The following SLC34A2 variants were observed in gnomAD, a reference collection of about 807,000 sequenced individuals.
The protein encoded by SLC34A2 is solute carrier family 34 member 2, also known as sodium-dependent phosphate transport protein 2B.
Under a neutral mutation model 50.8 loss-of-function variants are expected in SLC34A2, and 41 were observed. That is an observed-to-expected ratio of 0.81 (90% CI 0.63 to 1.05). The LOEUF (loss-of-function observed/expected upper bound fraction) is 1.05, where lower values mean the gene tolerates loss of function less well. Among genes scored for constraint, SLC34A2 ranks in the 50% least tolerant of loss-of-function variants. The pLI, the probability that SLC34A2 is intolerant of heterozygous loss-of-function variation, is 0.00. For missense variants in SLC34A2, 879 were observed against 876.7 expected, an observed-to-expected ratio of 1.00 and a Z score of -0.03; for synonymous variants, 401 against 364.2, an observed-to-expected ratio of 1.10 and a Z score of -1.15.
chr4:25,660,127 C>T (rs61057041), intron 1 of SLC34A2, among the ~76,000 whole-genome samples: 3,643 of 152,284 alleles, frequency 0.024, 154 homozygotes, highest in African/African-American at 0.081. Flanking sequence ...TTTTGGTCTA[C>T]ATCACATTCA....
At chr4:25,660,840 C>T (rs1018985990) in intron 1 of SLC34A2, among the ~76,000 whole-genome samples, 1 of 152,154 alleles carries the variant, frequency 6.6e-6, no homozygotes, top group African/African-American at 2.4e-5. Context: ...CCACTGTGCC[C>T]GGCCTGGATT....
rs2109056455 is a variant in SLC34A2 at position 25,669,758 on chromosome 4, G to A, written c.747G>A (p.Val249=). 6.2e-7 allele frequency: 1 copy of A among 1,614,162 alleles called. No homozygotes were observed. The highest frequency in any genetic ancestry group is 1.1e-5 in the South Asian group (1 of 91,080). ...TCGAGATCATAACCCAGCTTATAGT[G>A]GAGAGCTTCCACTTCAAGAATGGAG... ...HYLEIITQLI[V]ESFHFKNGED... The change falls in exon 7 of 13, where the codon GTG becomes GTA. Residue 249 remains valine (V), a synonymous_variant. Transcript: ENST00000382051.
In SLC34A2 at chr4:25,664,097, A is replaced by G. The variant is rs1052742819; in HGVS notation, c.251-105A>G. The stretch of plus-strand genomic sequence containing the variant: ...TTAACGGCTGCCAGGCTGGGAAGGG[A>G]GGGGAGGTCGGGGGAGCTCTGAGCT... On this transcript the variant is annotated intron_variant, in intron 3 of 12. Transcript: ENST00000382051. 4.6e-6 allele frequency: 5 copies of G among 1,087,364 alleles called. No individual in the cohort carries two copies. The Admixed American group carries it at 5.1e-5, about 11-fold the overall frequency. The allele number at this position is 1,087,364 out of a possible 1,614,324, so 67.4% of individuals were successfully genotyped here.
intron 7 of SLC34A2, 36 bp downstream of exon 7, chr4:25,669,878 C>T (rs1319378714): frequency 6.4e-7 from 1 of 1,553,834 alleles, no homozygotes; most frequent in Non-Finnish European, 8.9e-7. Flanking sequence ...AGGAGACTAA[C>T]TTCCTACCCA....
intron 6 of SLC34A2, among the ~76,000 whole-genome samples, chr4:25,669,195 C>T (rs1415613032): frequency 1.3e-5 from 2 of 152,084 alleles, no homozygotes; most frequent in African/African-American, 2.4e-5. Context: ...TTGTTACATT[C>T]ATAGAATGTG....
chr4:25,663,940 C>T (rs1560235670), intron 3 of SLC34A2, among the ~76,000 whole-genome samples: 1 of 152,188 alleles, frequency 6.6e-6, no homozygotes, highest in South Asian at 2.1e-4. Context: ...CACATTGAAC[C>T]CCTCCTCCCA....
chr4:25,666,901 T>C (rs1714532497), intron 5 of SLC34A2: 1 of 152,128 alleles, frequency 6.6e-6, no homozygotes. Context: ...ATTATTATTT[T>C]TTTTTCTATT....
At chr4:25,672,595 C>A (rs1228271763) in intron 9 of SLC34A2, among the ~76,000 whole-genome samples, 2 of 152,140 alleles carry the variant, frequency 1.3e-5, no homozygotes, top group African/African-American at 4.8e-5. Flanking sequence ...GGTATGATTA[C>A]CCCAAAGAAT....
chr4:25,660,732 A>G (rs1714135781), intron 1 of SLC34A2, among the ~76,000 whole-genome samples: 3 of 152,106 alleles, frequency 2.0e-5, no homozygotes. Context: ...TTTAGTAGAG[A>G]CGGGGTTTCA....
intron 9 of SLC34A2, among the ~76,000 whole-genome samples, chr4:25,672,309 A>G (rs1714860847): frequency 6.6e-6 from 1 of 152,216 alleles, no homozygotes; most frequent in Non-Finnish European, 1.5e-5. Flanking sequence ...CGACAACCCG[A>G]TTTGAAGGAA....
rs141191689 is a variant in SLC34A2, at chr4:25,676,560, G to T, written c.1884G>T (p.Ala628=). The T allele has an allele frequency of 6.8e-6, 11 of 1,612,492 alleles. No individual in the cohort carries two copies. The East Asian group carries it at 1.1e-4, about 16-fold the overall frequency. The change falls in exon 13 of 13, where the codon GCG becomes GCT. Residue 628 remains alanine (A), a synonymous_variant. Transcript: ENST00000382051. The stretch of plus-strand genomic sequence containing the variant: ...GCTGCTGCCGCGTGTGCTGCCGCGC[G>T]TGCTGCTTGCTGTGTGACTGCCCCA... ...CCCCCRVCCR[A]CCLLCDCPKC...
At chr4:25,661,424 A>G (rs1252706057) in intron 1 of SLC34A2, among the ~76,000 whole-genome samples, 1 of 152,156 alleles carries the variant, frequency 6.6e-6, no homozygotes, top group Admixed American at 6.5e-5. Context: ...TTTGCTCTGT[A>G]TCCCCCAGGC....
chr4:25,671,519 C>T, intron 8 of SLC34A2, 82 bp from the exon 9 acceptor site: 1 of 1,577,788 alleles, frequency 6.3e-7, no homozygotes, highest in Non-Finnish European at 8.7e-7. Flanking sequence ...GTGTCTGCGC[C>T]TGTTCATTCC....
At chr4:25,669,079 G>T (rs1264952147) in intron 6 of SLC34A2, among the ~76,000 whole-genome samples, 1 of 151,890 alleles carries the variant, frequency 6.6e-6, no homozygotes, top group East Asian at 1.9e-4. Flanking sequence ...TCACTTTCAA[G>T]AACTTAAAAA....
chr4:25,656,170 C>T (rs1355717631), intron 1 of SLC34A2, among the ~76,000 whole-genome samples: 1 of 152,148 alleles, frequency 6.6e-6, no homozygotes, highest in Non-Finnish European at 1.5e-5. Flanking sequence ...TTTTGAGAGT[C>T]GTGGTTTGGA....
Position 25,674,384 on chromosome 4 carries a change from G to C in SLC34A2, c.1305G>C (p.Val435=). ...GMTFIVQSSS[V]FTSALTPLIG... ...CCTTCATCGTACAGAGCAGCTCTGT[G>C]TTCACGTCGGCCTTGACCCCCCTGA... The change falls in exon 11 of 13, where the codon GTG becomes GTC. Residue 435 remains valine (V), a synonymous_variant. Transcript: ENST00000382051. The C allele has an allele frequency of 6.2e-7, 1 of 1,614,126 alleles. No individual in the cohort carries two copies. The highest frequency in any genetic ancestry group is 1.3e-5 in the African/African-American group (1 of 75,028).
chr4:25,660,976 A>G (rs572480942), intron 1 of SLC34A2, among the ~76,000 whole-genome samples: 3 of 152,364 alleles, frequency 2.0e-5, no homozygotes, highest in African/African-American at 7.2e-5. Flanking sequence ...CAAGGACTGC[A>G]AGGACTGGAA....
rs75684712 is a variant in SLC34A2 at position 25,666,211 on chromosome 4, G to A, written c.463G>A (p.Val155Ile). The A allele has an allele frequency of 5.0e-5, 81 of 1,614,060 alleles. No homozygotes were observed. The highest frequency in any genetic ancestry group is 2.5e-4 in the South Asian group (23 of 91,078). Residue 155 changes from valine to isoleucine, a missense_variant, in exon 5 of 13, where the codon GTC becomes ATC. Val to Ile is a conservative substitution (Grantham distance 29, BLOSUM62 3). Transcript: ENST00000382051. The stretch of plus-strand genomic sequence containing the variant: ...GCTGGTGATCGGGGTGCTGGTGACC[G>A]TCTTGGTGCAGAGCTCCAGCACCTC... ...LGLVIGVLVT[V>I]LVQSSSTSTS...
rs202236441 is a variant in SLC34A2, at chr4:25,674,545, G to T, written c.1374G>T (p.Thr458=). The T allele has an allele frequency of 1.1e-5, 18 of 1,614,166 alleles. No homozygotes were observed. Among genetic ancestry groups the T allele is most frequent in the Non-Finnish European group, 1.5e-5 (18 of 1,180,026 alleles). The change falls in exon 12 of 13, where the codon ACG becomes ACT. Residue 458 remains threonine (T), a synonymous_variant. Coordinates refer to ENST00000382051, the MANE Select transcript of SLC34A2 (RefSeq NM_006424.3). ...VITIERAYPL[T]LGSNIGTTTT... ...CCATTGAGAGGGCTTATCCACTCAC[G>T]CTGGGCTCCAACATCGGCACCACCA...
Sources: allele counts gnomAD v4.1 joint callset (sites outside exome capture counted in the v4.1 genomes callset), GRCh38; gene constraint gnomAD v4.1.1; transcripts MANE v1.5; gene names NCBI Gene and HGNC (gene_info 2026-07-23, HGNC 2026-07-21).